NBAS: variants seen among roughly 807,000 people sequenced by gnomAD.
NBAS encodes NAG/BC035112 fusion.
In NBAS, 219 loss-of-function variants were observed where a neutral mutation model predicts 302.5. That is an observed-to-expected ratio of 0.72 (90% CI 0.65 to 0.81). The LOEUF is 0.81. Among genes scored for constraint, NBAS ranks in the 30% least tolerant of loss-of-function variants. NBAS has a pLI of 0.00. For synonymous variants in NBAS, 1,118 were observed against 1,021.6 expected (o/e 1.09, Z -1.80); for missense variants, 2,932 against 2,841.6 (o/e 1.03, Z -0.72).
chr2:15,504,908 A>G (rs1400099196), intron 10 of NBAS, among the ~76,000 whole-genome samples: 1 of 152,230 alleles, frequency 6.6e-6, no homozygotes, highest in East Asian at 1.9e-4. Flanking sequence ...ATATTTGTAC[A>G]TGAATGTTCA....
chr2:15,379,681 T>G lies in NBAS; in HGVS notation c.3511A>C (p.Ile1171Leu). 6.2e-7 allele frequency: 1 copy of G among 1,614,014 alleles called. No individual in the cohort carries two copies. The change falls in exon 30 of 52, where the codon ATT (isoleucine) becomes CTT (leucine). Residue 1171 changes from isoleucine (I) to leucine (L), a missense_variant. Ile to Leu is a conservative substitution (Grantham distance 5). Coordinates refer to ENST00000281513, the MANE Select transcript of NBAS (RefSeq NM_015909.4). Reference sequence around the variant, plus strand: ...CTGCTGGCAGCCAAAACCAAGTCAATACTCTTTTCGTAGCTGACCCTGTAG... The same window carrying G: ...CTGCTGGCAGCCAAAACCAAGTCAAGACTCTTTTCGTAGCTGACCCTGTAG... ...PHYRVSYEKS[I>L]DLVLAASREY...
At chr2:15,174,113 G>C (rs940951294) in intron 51 of NBAS, among the ~76,000 whole-genome samples, 1 of 152,202 alleles carries the variant, frequency 6.6e-6, no homozygotes, top group Non-Finnish European at 1.5e-5. Flanking sequence ...TCAGATCTCT[G>C]TATGTTCAGG....
the NBAS span, among the ~76,000 whole-genome samples, chr2:15,123,834 T>C: frequency 6.6e-6 from 1 of 152,318 alleles, no homozygotes; most frequent in East Asian, 1.9e-4. Context: ...TATTTATTTA[T>C]AGCAACACAA....
At chr2:14,837,865 A>T in the NBAS span, among the ~76,000 whole-genome samples, 1 of 151,822 alleles carries the variant, frequency 6.6e-6, no homozygotes, top group Non-Finnish European at 1.5e-5. Context: ...GCTGAAGAAC[A>T]CCTTTTAATA....
intron 36 of NBAS, 102 bp from the exon 37 acceptor site, chr2:15,328,414 A>G: frequency 1.0e-6 from 1 of 996,508 alleles, no homozygotes; most frequent in Non-Finnish European, 1.6e-6. Flanking sequence ...GAGGAAGAAA[A>G]GGCTGATTTC....
At chr2:15,088,592 C>T in the NBAS span, among the ~76,000 whole-genome samples, 1 of 152,332 alleles carries the variant, frequency 6.6e-6, no homozygotes, top group East Asian at 1.9e-4. Context: ...GGTCTGTATA[C>T]TGTCCTCAAC....
chr2:15,010,104 A>G, the NBAS span, among the ~76,000 whole-genome samples: 1 of 152,164 alleles, frequency 6.6e-6, no homozygotes. Context: ...ATGGCTCTGG[A>G]AGAGAGGAAA....
chr2:15,521,993 A>G (rs1662695415), intron 9 of NBAS, among the ~76,000 whole-genome samples: 1 of 152,204 alleles, frequency 6.6e-6, no homozygotes, highest in Non-Finnish European at 1.5e-5. Context: ...GTTGGCACAG[A>G]GCAAAGAAAA....
intron 51 of NBAS, chr2:15,177,830 G>C (rs1664623273): frequency 1.0e-5 from 2 of 193,904 alleles, no homozygotes; most frequent in South Asian, 1.9e-4. Context: ...CCCTACTTCA[G>C]TCAAGGTCCC....
chr2:14,902,638 T>C, the NBAS span, among the ~76,000 whole-genome samples: 1 of 152,302 alleles, frequency 6.6e-6, no homozygotes, highest in East Asian at 1.9e-4. Context: ...TTTTGCTCAT[T>C]GGCAATGAGA....
chr2:15,123,751 C>T, the NBAS span, among the ~76,000 whole-genome samples: 1 of 152,190 alleles, frequency 6.6e-6, no homozygotes, highest in East Asian at 1.9e-4. Context: ...GATCCCAGCA[C>T]CCTGTTTCCT....
intron 32 of NBAS, among the ~76,000 whole-genome samples, chr2:15,363,359 T>C (rs1014315290): frequency 8.5e-5 from 13 of 152,216 alleles, no homozygotes; most frequent in Non-Finnish European, 1.5e-4. Context: ...CATAACCTCA[T>C]TTGGATGCAT....
the NBAS span, among the ~76,000 whole-genome samples, chr2:15,096,340 T>A: frequency 6.6e-6 from 1 of 152,218 alleles, no homozygotes; most frequent in Admixed American, 6.5e-5. Flanking sequence ...CTCTTCCTGC[T>A]GTGAGTCAGG....
At position 15,440,149 on chromosome 2, in the gene NBAS, G is replaced by C. The variant is rs191855849; in HGVS notation, c.2340-12355C>G. Among the ~76,000 whole-genome samples, 12 of 152,324 alleles carry C rather than the reference G, an allele frequency of 7.9e-5. 1 individual carries two copies. The South Asian group carries it at 1.4e-3, about 18-fold the overall frequency. On this transcript the variant is annotated intron_variant, in intron 21 of 51. Coordinates refer to ENST00000281513, the MANE Select transcript of NBAS (RefSeq NM_015909.4). ...TGTCCATGTCTGACAGCTTTGAAGA[G>C]AGCAGTGGTTCTCCCAGCACCCAAC... is the stretch of plus-strand genomic sequence containing the variant.
chr2:14,882,568 G>A, the NBAS span, among the ~76,000 whole-genome samples: 1 of 152,104 alleles, frequency 6.6e-6, no homozygotes, highest in Admixed American at 6.5e-5. Flanking sequence ...TACCTAGAAG[G>A]GAAGAGAAAG....
At chr2:15,163,169 T>C (rs1663934602), downstream of NBAS, among the ~76,000 whole-genome samples, 1 of 152,176 alleles carries the variant, frequency 6.6e-6, no homozygotes, top group African/African-American at 2.4e-5. Context: ...CCCTTCTTTT[T>C]AAAGCCAGCT....
At chr2:15,107,516 G>C in the NBAS span, among the ~76,000 whole-genome samples, 4 of 152,082 alleles carry the variant, frequency 2.6e-5, no homozygotes, top group East Asian at 7.7e-4. Flanking sequence ...ATATGAGAGA[G>C]TCATTGAGAA....
chr2:15,258,589 T>C (rs1668709177), intron 44 of NBAS, among the ~76,000 whole-genome samples: 1 of 152,108 alleles, frequency 6.6e-6, no homozygotes. Context: ...AGGACTGAAA[T>C]ACGCCCTGGT....
intron 32 of NBAS, among the ~76,000 whole-genome samples, chr2:15,364,733 C>T (rs958163716): frequency 6.6e-6 from 1 of 152,052 alleles, no homozygotes; most frequent in Admixed American, 6.5e-5. Flanking sequence ...AGCCCAAGTA[C>T]CCAGACATGT....
Sources: allele counts gnomAD v4.1 joint callset (sites outside exome capture counted in the v4.1 genomes callset), GRCh38; gene constraint gnomAD v4.1.1; transcripts MANE v1.5; gene names NCBI Gene and HGNC (gene_info 2026-07-23, HGNC 2026-07-21).